Variants in PRR14L observed in about 807,000 individuals in gnomAD.
PRR14L encodes the protein proline rich 14 like.
In PRR14L, 80 loss-of-function variants were observed where a neutral mutation model predicts 155.0. That is an observed-to-expected ratio of 0.52 (90% CI 0.43 to 0.62). The LOEUF (loss-of-function observed/expected upper bound fraction) is 0.62, where lower values mean the gene tolerates loss of function less well. Ranked by LOEUF, PRR14L falls within the 20% of genes least tolerant of loss-of-function variation. The probability of loss-of-function intolerance (pLI) is 0.00; values close to 1 mark genes in which losing one functional copy is unlikely to be tolerated. For synonymous variants in PRR14L, 883 were observed against 916.0 expected, an observed-to-expected ratio of 0.96 and a Z score of 0.65; for missense variants, 2,469 against 2,548.0, an observed-to-expected ratio of 0.97 and a Z score of 0.67.
rs2074628295 is a variant in PRR14L at position 31,712,374 on chromosome 22, G to A, written c.5465C>T (p.Thr1822Ile). The stretch of plus-strand genomic sequence containing the variant: ...TCCTGGGGAACAAAGTGCTAGAAGT[G>A]TGTGAAGGCCAAGGACAGAGCAGTC... ...RADCSVLGLH[T>I]LLALCSPGCY... The change falls in exon 4 of 9, where the codon ACA becomes ATA. Residue 1822 changes from threonine (T) to isoleucine (I), a missense_variant. Thr to Ile is a moderately conservative substitution (Grantham distance 89, BLOSUM62 -1). Transcript: ENST00000327423. 2 of 1,611,504 alleles carry A rather than the reference G, an allele frequency of 1.2e-6. No homozygotes were observed. Among genetic ancestry groups the A allele is most frequent in the Admixed American group, 1.7e-5 (1 of 59,282 alleles).
intron 4 of PRR14L, among the ~76,000 whole-genome samples, chr22:31,709,495 A>AT (rs1337375053): frequency 2.9e-5 from 4 of 139,248 alleles, no homozygotes; most frequent in African/African-American, 5.4e-5. Context: ...AAGTGCTGGG[A>AT]TTACACACGT....
At chr22:31,710,980 T>G (rs2059160125) in intron 4 of PRR14L, among the ~76,000 whole-genome samples, 1 of 152,238 alleles carries the variant, frequency 6.6e-6, no homozygotes, top group African/African-American at 2.4e-5. Flanking sequence ...CAGGGGTTCA[T>G]AAACCATATC....
chr22:31,744,919 TA>T (rs1305144459), intron 1 of PRR14L, among the ~76,000 whole-genome samples: 1 of 152,204 alleles, frequency 6.6e-6, no homozygotes, highest in African/African-American at 2.4e-5. Context: ...TTTCAACCTG[TA>T]AAACAACTAG....
At chr22:31,699,870 GTTTT>G (rs76015424) in intron 7 of PRR14L, among the ~76,000 whole-genome samples, 9 of 142,790 alleles carry the variant, frequency 6.3e-5, no homozygotes, top group Non-Finnish European at 1.5e-5. Context: ...AGCTTCAAGG[GTTTT>G]TTTTTTTTGA....
rs1569498961 is a variant in PRR14L, at chr22:31,715,873, CTTG to C, written c.1963_1965del (p.Gln655del). 5 of 1,551,614 alleles carry C rather than the reference CTTG, an allele frequency of 3.2e-6. No homozygotes were observed. The highest frequency in any genetic ancestry group is 4.9e-5 in the East Asian group (2 of 40,922). The stretch of plus-strand genomic sequence containing the variant: ...GCATGTTCTTGAGAATTAAGGGACA[CTTG>C]TTGATTTAAAACACATTCACTTTCT... On this transcript the variant is annotated inframe_deletion, in exon 4 of 9. Transcript: ENST00000327423.
At chr22:31,748,503 C>T (rs2074852988) in intron 1 of PRR14L, among the ~76,000 whole-genome samples, 1 of 152,144 alleles carries the variant, frequency 6.6e-6, no homozygotes, top group Admixed American at 6.5e-5. Context: ...AAAAGATTTT[C>T]CTCTGTTTTA....
In PRR14L at chr22:31,738,826, G is replaced by A. The variant is rs748802912; in HGVS notation, c.35C>T (p.Pro12Leu). Residue 12 changes from proline (P) to leucine (L), a missense_variant, in exon 2 of 9, where the codon CCA becomes CTA. Around this residue, in one of 2 missense-constraint regions of PRR14L, gnomAD observed 2,363 missense variants for 2,371.6 expected, o/e 1.00. Transcript: ENST00000327423. The part of the protein sequence containing the change: ...LSSGVETQPV[P>L]LDSSMSAVVQ... ...CACGGCAGACATGGAGGAATCAAGTGGAACTGGCTGAGTCTCTACTCCAGA... is the reference window on the plus strand; with the variant it reads ...CACGGCAGACATGGAGGAATCAAGTAGAACTGGCTGAGTCTCTACTCCAGA... 6.5e-7 allele frequency: 1 copy of A among 1,546,210 alleles called. No individual in the cohort carries two copies. The highest frequency in any genetic ancestry group is 1.2e-5 in the South Asian group (1 of 84,012).
At chr22:31,719,582 C>G (rs770000232) in intron 3 of PRR14L, among the ~76,000 whole-genome samples, 3 of 151,960 alleles carry the variant, frequency 2.0e-5, no homozygotes, top group Non-Finnish European at 4.4e-5. Flanking sequence ...AATTAATGAA[C>G]GAATATAGTT....
intron 1 of PRR14L, among the ~76,000 whole-genome samples, chr22:31,748,709 G>A (rs779765788): frequency 5.3e-5 from 8 of 152,130 alleles, no homozygotes; most frequent in Non-Finnish European, 1.2e-4. Context: ...CAGGGAAGTG[G>A]GAGAGGGCAT....
At chr22:31,698,860 T>G (rs1343970716) in intron 7 of PRR14L, among the ~76,000 whole-genome samples, 2 of 150,646 alleles carry the variant, frequency 1.3e-5, no homozygotes, top group Non-Finnish European at 3.0e-5. Flanking sequence ...AGGCGGAGCT[T>G]GCAGTGAGCC....
Position 31,716,894 on chromosome 22 carries a change from A to T in PRR14L, c.945T>A (p.Leu315=). The part of the protein sequence containing the change: ...VCEADDNHQQ[L]HGHHNEQPSS... ...TGGGTTGTTCATTATGGTGGCCATG[A>T]AGCTGTTGGTGATTGTCATCTGCTT... is the stretch of plus-strand genomic sequence containing the variant. The change falls in exon 4 of 9, where the codon CTT becomes CTA. Residue 315 remains leucine (L), a synonymous_variant. Transcript: ENST00000327423. The T allele has an allele frequency of 1.9e-6, 3 of 1,552,036 alleles. No individual in the cohort carries two copies. The highest frequency in any genetic ancestry group is 2.6e-6 in the Non-Finnish European group (3 of 1,147,070).
chr22:31,742,375 T>C (rs1432615459), intron 1 of PRR14L, among the ~76,000 whole-genome samples: 1 of 152,002 alleles, frequency 6.6e-6, no homozygotes, highest in African/African-American at 2.4e-5. Flanking sequence ...TCCTTTTTTT[T>C]TTTTTTGAGA....
chr22:31,725,480 A>C (rs1470096005), intron 3 of PRR14L, 58 bp downstream of exon 3: 6 of 1,153,592 alleles, frequency 5.2e-6, no homozygotes, highest in Non-Finnish European at 7.6e-6. Flanking sequence ...ATGGAAGCGG[A>C]ACTAAAACAG....
chr22:31,699,195 G>A (rs1001096761), intron 7 of PRR14L, among the ~76,000 whole-genome samples: 2 of 151,724 alleles, frequency 1.3e-5, no homozygotes, highest in South Asian at 2.1e-4. Context: ...TGCCACTACC[G>A]CCTGGCTAAG....
intron 3 of PRR14L, among the ~76,000 whole-genome samples, chr22:31,717,586 A>ATGT (rs2074667337): frequency 6.6e-6 from 1 of 152,194 alleles, no homozygotes; most frequent in African/African-American, 2.4e-5. Flanking sequence ...ATATGTTCCT[A>ATGT]TGTTGTATTC....
At chr22:31,729,860 T>C (rs1481690397) in intron 2 of PRR14L, among the ~76,000 whole-genome samples, 2 of 152,208 alleles carry the variant, frequency 1.3e-5, no homozygotes, top group East Asian at 1.9e-4. Context: ...ACACTACGAA[T>C]GTGCTTAATG....
chr22:31,739,532 T>C (rs2074801249), intron 1 of PRR14L, among the ~76,000 whole-genome samples: 1 of 152,212 alleles, frequency 6.6e-6, no homozygotes, highest in Non-Finnish European at 1.5e-5. Flanking sequence ...ATTTTTATCC[T>C]GCATCTTTAG....
chr22:31,712,993 G>C lies in PRR14L; in HGVS notation c.4846C>G (p.Leu1616Val). Residue 1616 changes from leucine (L) to valine (V), a missense_variant, in exon 4 of 9, where the codon CTA becomes GTA. Physicochemically the swap from Leu to Val is conservative, Grantham distance 32 (BLOSUM62 1). Transcript: ENST00000327423. ...GAGGCAAGGATGGACAGCTTGTTTA[G>C]TAAGGCTGATTCTTTGGTAGTCTTC... ...FRKTTKESALLNKLSILASKL... is the reference protein window; with the variant it reads ...FRKTTKESALVNKLSILASKL... 1 of 1,551,972 alleles carries C rather than the reference G, an allele frequency of 6.4e-7. No homozygotes were observed. Among genetic ancestry groups the C allele is most frequent in the Non-Finnish European group, 8.7e-7 (1 of 1,147,074 alleles).
Position 31,714,562 on chromosome 22 carries a change from T to C in PRR14L, c.3277A>G (p.Arg1093Gly), listed in dbSNP as rs1182151385. The C allele has an allele frequency of 1.9e-6, 3 of 1,552,014 alleles. No individual in the cohort carries two copies. Among genetic ancestry groups the C allele is most frequent in the Admixed American group, 2.0e-5 (1 of 51,004 alleles). ...QEKLAFQEDS[R>G]STLSRRELDA... ...AGTTCTCTCCGAGACAAGGTACTCC[T>C]GGAGTCCTCTTGAAATGCCAGTTTC... The change falls in exon 4 of 9, where the codon AGG (arginine) becomes GGG (glycine). Residue 1093 changes from arginine (R) to glycine (G), a missense_variant. By Grantham distance (125) the Arg-to-Gly change is moderately radical (BLOSUM62 -2). Transcript: ENST00000327423.
Sources: gnomAD v4.1 joint callset for allele counts (sites outside exome capture counted in the v4.1 genomes callset) on GRCh38, gnomAD v4.1.1 for gene constraint, gnomAD v4.1.1 regional missense constraint, MANE v1.5 for transcripts, NCBI Gene and HGNC (gene_info 2026-07-23, HGNC 2026-07-21) for gene names.